The following TENM4 variants were observed in gnomAD, a reference collection of about 807,000 sequenced individuals.
TENM4 encodes the protein teneurin-4.
Under a neutral mutation model 243.3 loss-of-function variants are expected in TENM4, and 82 were observed. That is an observed-to-expected ratio of 0.34 (90% CI 0.28 to 0.40). The LOEUF (loss-of-function observed/expected upper bound fraction) is 0.40. Among genes scored for constraint, TENM4 ranks in the 10% least tolerant of loss-of-function variants. The pLI, the probability that TENM4 is intolerant of heterozygous loss-of-function variation, is 1.00. For missense variants in TENM4, 3,138 were observed against 3,673.3 expected, an observed-to-expected ratio of 0.85 and a Z score of 3.77; for synonymous variants, 1,412 against 1,456.3, an observed-to-expected ratio of 0.97 and a Z score of 0.69.
At chr11:78,831,273 G>C (rs999103757) in intron 12 of TENM4, among the ~76,000 whole-genome samples, 1 of 152,220 alleles carries the variant, frequency 6.6e-6, no homozygotes, top group East Asian at 1.9e-4. Context: ...TCATCTGCAT[G>C]TCTGCCTGCT....
chr11:79,241,000 G>A (rs1039832384), intron 2 of TENM4, among the ~76,000 whole-genome samples: 8 of 152,000 alleles, frequency 5.3e-5, no homozygotes, highest in Admixed American at 3.9e-4. Flanking sequence ...GTCTTCCAGC[G>A]CTGTATTTAT....
chr11:79,431,710 T>A (rs1318758043), intron 1 of TENM4, among the ~76,000 whole-genome samples: 2 of 152,202 alleles, frequency 1.3e-5, no homozygotes, highest in African/African-American at 4.8e-5. Context: ...TAGTCATACA[T>A]CATTTAAATA....
chr11:79,028,066 C>A (rs1422751679), intron 6 of TENM4, among the ~76,000 whole-genome samples: 1 of 152,064 alleles, frequency 6.6e-6, no homozygotes, highest in Non-Finnish European at 1.5e-5. Context: ...GATTTGAAAC[C>A]CAACTCTGCC....
In TENM4 at chr11:78,672,293, G is replaced by A. The variant is rs1213950721; in HGVS notation, c.5533C>T (p.Arg1845Cys). 1.2e-6 allele frequency: 2 copies of A among 1,612,646 alleles called. No homozygotes were observed. Among genetic ancestry groups the A allele is most frequent in the East Asian group, 2.2e-5 (1 of 44,844 alleles). ...NRNLLSLDFD[R>C]VTRTEKIYDD... The stretch of plus-strand genomic sequence containing the variant: ...TAGATCTTCTCTGTGCGTGTTACGC[G>A]ATCAAAGTCCAGAGATAGGAGATTT... Residue 1845 changes from arginine (R) to cysteine (C), a missense_variant, in exon 31 of 34, where the codon CGC becomes TGC. By Grantham distance (180) the Arg-to-Cys change is radical (BLOSUM62 -3). This residue lies in a region of TENM4 where 2,467 missense variants were observed against 3,059.1 expected (regional missense o/e 0.81). Transcript: ENST00000278550.
At chr11:78,675,320 A>G (rs1858440289) in intron 30 of TENM4, among the ~76,000 whole-genome samples, 1 of 152,192 alleles carries the variant, frequency 6.6e-6, no homozygotes, top group Non-Finnish European at 1.5e-5. Flanking sequence ...CTGTGTTGCT[A>G]TGAGGATGCT....
At chr11:79,302,092 C>T (rs1856559517) in intron 1 of TENM4, among the ~76,000 whole-genome samples, 1 of 152,114 alleles carries the variant, frequency 6.6e-6, no homozygotes, top group Non-Finnish European at 1.5e-5. Flanking sequence ...ATTCTAGGCA[C>T]TCAATAAATA....
chr11:78,950,272 C>T (rs1239273236), intron 6 of TENM4, among the ~76,000 whole-genome samples: 5 of 152,294 alleles, frequency 3.3e-5, no homozygotes, highest in Admixed American at 1.3e-4. Flanking sequence ...AGCAGAGAGC[C>T]GGAGTGCAAC....
At chr11:79,436,034 G>T (rs1321476536) in intron 1 of TENM4, among the ~76,000 whole-genome samples, 1 of 152,098 alleles carries the variant, frequency 6.6e-6, no homozygotes, top group African/African-American at 2.4e-5. Context: ...CAAGGTTGGT[G>T]GTTCTTTCGG....
intron 2 of TENM4, among the ~76,000 whole-genome samples, chr11:79,246,051 G>T (rs111659034): frequency 6.6e-6 from 1 of 151,218 alleles, no homozygotes; most frequent in East Asian, 1.9e-4. Flanking sequence ...GACAAACAGC[G>T]CAAGTGGTAA....
intron 6 of TENM4, among the ~76,000 whole-genome samples, chr11:78,974,705 CTGTT>C (rs1429541067): frequency 1.4e-5 from 2 of 144,524 alleles, no homozygotes; most frequent in African/African-American, 5.5e-5. Flanking sequence ...TCTTTTCTTT[CTGTT>C]TTTCTTTTCT....
At chr11:78,783,278 T>C (rs1054162643) in intron 16 of TENM4, among the ~76,000 whole-genome samples, 1 of 152,234 alleles carries the variant, frequency 6.6e-6, no homozygotes, top group Non-Finnish European at 1.5e-5. Context: ...AAATATGCAC[T>C]TGGTGACTCT....
intron 6 of TENM4, among the ~76,000 whole-genome samples, chr11:78,930,576 A>G (rs574720574): frequency 1.3e-5 from 2 of 152,212 alleles, no homozygotes; most frequent in Non-Finnish European, 2.9e-5. Context: ...ATAAATGAGG[A>G]AAATACAAAG....
intron 6 of TENM4, among the ~76,000 whole-genome samples, chr11:78,980,641 C>T (rs549355628): frequency 6.6e-6 from 1 of 152,324 alleles, no homozygotes; most frequent in Admixed American, 6.5e-5. Context: ...AACATGAACT[C>T]ATGTCTGAGT....
At chr11:79,015,623 T>C (rs1183300525) in intron 6 of TENM4, among the ~76,000 whole-genome samples, 2 of 152,142 alleles carry the variant, frequency 1.3e-5, no homozygotes, top group African/African-American at 4.8e-5. Flanking sequence ...GCCTATTACA[T>C]GGAAGAACCA....
chr11:78,699,012 A>T (rs1859040892), intron 28 of TENM4, among the ~76,000 whole-genome samples: 2 of 152,108 alleles, frequency 1.3e-5, no homozygotes, highest in Admixed American at 1.3e-4. Context: ...TACCTACCTC[A>T]ATTAAAACTT....
intron 6 of TENM4, among the ~76,000 whole-genome samples, chr11:79,049,780 G>A (rs1261317012): frequency 6.6e-6 from 1 of 152,246 alleles, no homozygotes; most frequent in African/African-American, 2.4e-5. Context: ...TTGGGGCCCT[G>A]AGTCTTGAGC....
At chr11:78,984,602 T>C (rs1034535617) in intron 6 of TENM4, among the ~76,000 whole-genome samples, 1 of 152,138 alleles carries the variant, frequency 6.6e-6, no homozygotes, top group African/African-American at 2.4e-5. Context: ...CCAGAGGCAA[T>C]CTATTTCAGT....
At chr11:78,861,104 A>G (rs557506167) in intron 10 of TENM4, among the ~76,000 whole-genome samples, 112 of 152,360 alleles carry the variant, frequency 7.4e-4, no homozygotes, top group African/African-American at 2.6e-3. Context: ...ACATTTGTAC[A>G]TGCTGATCTA....
chr11:78,856,383 C>T (rs1858682391), intron 10 of TENM4, among the ~76,000 whole-genome samples: 1 of 152,044 alleles, frequency 6.6e-6, no homozygotes, highest in African/African-American at 2.4e-5. Flanking sequence ...CAGCGATGCT[C>T]AAATTATTCT....
Sources: gnomAD v4.1 joint callset for allele counts (sites outside exome capture counted in the v4.1 genomes callset) on GRCh38, gnomAD v4.1.1 for gene constraint, gnomAD v4.1.1 regional missense constraint, MANE v1.5 for transcripts, NCBI Gene and HGNC (gene_info 2026-07-23, HGNC 2026-07-21) for gene names.